TEKTIP1: variants seen among roughly 807,000 people sequenced by gnomAD.
TEKTIP1 encodes tektin bundle interacting protein 1, also known as tektin bundle-interacting protein 1.
the TEKTIP1 span, among the ~76,000 whole-genome samples, chr19:3,541,132 G>A: frequency 7.1e-6 from 1 of 141,314 alleles, no homozygotes; most frequent in Non-Finnish European, 1.5e-5. Context: ...TCAGGCCACT[G>A]CACTCCAGCC....
the TEKTIP1 span, chr19:3,542,347 T>C: frequency 1.0e-6 from 1 of 985,460 alleles, no homozygotes; most frequent in Non-Finnish European, 1.2e-6. Flanking sequence ...GGGCTTTCCG[T>C]GCAGGGCAGA....
chr19:3,543,305 A>T, the TEKTIP1 span: 18 of 1,548,976 alleles, frequency 1.2e-5, no homozygotes, highest in Non-Finnish European at 1.6e-5. Flanking sequence ...CTGGAAGTAC[A>T]CGCCCATGGG....
chr19:3,543,766 G>C, the TEKTIP1 span: 8 of 1,490,180 alleles, frequency 5.4e-6, no homozygotes, highest in Non-Finnish European at 5.4e-6. Context: ...GGCGATCCAG[G>C]AGCCCCTTGC....
the TEKTIP1 span, chr19:3,543,715 CA>C: frequency 6.7e-7 from 1 of 1,501,078 alleles, no homozygotes; most frequent in East Asian, 2.5e-5. Context: ...CTTGGGAGGC[CA>C]GGGGGACAAG....
At chr19:3,540,089 C>CTTTTTTTTTTTT in the TEKTIP1 span, 3 of 88,188 alleles carry the variant, frequency 3.4e-5, no homozygotes, top group African/African-American at 1.2e-4. Context: ...CATCTCTTTT[C>CTTTTTTTTTTTT]TTTTTTTTTT....
chr19:3,542,463 A>G, the TEKTIP1 span: 1 of 985,060 alleles, frequency 1.0e-6, no homozygotes, highest in Non-Finnish European at 1.2e-6. Flanking sequence ...AGCATAAAAC[A>G]TCTTTGAGTC....
the TEKTIP1 span, chr19:3,543,491 C>CCCT: frequency 2.0e-6 from 3 of 1,515,686 alleles, 1 homozygote; most frequent in African/African-American, 4.2e-5. Context: ...CCCCCCCCCC[C>CCCT]GCCCTGGGCA....
At chr19:3,542,843 T>G in the TEKTIP1 span, 7 of 1,378,226 alleles carry the variant, frequency 5.1e-6, no homozygotes, top group Non-Finnish European at 6.8e-6. Context: ...CACTTCTTCC[T>G]GGTGCACCTC....
At chr19:3,543,418 G>A in the TEKTIP1 span, 1 of 1,547,086 alleles carries the variant, frequency 6.5e-7, no homozygotes, top group African/African-American at 1.4e-5. Flanking sequence ...CCTTCCGCGA[G>A]GCCTACAACC....
chr19:3,542,922 C>A, the TEKTIP1 span: 2 of 1,449,552 alleles, frequency 1.4e-6, no homozygotes, highest in Non-Finnish European at 1.9e-6. Context: ...CTGTAGGAAT[C>A]CAGGAGTAGC....
the TEKTIP1 span, chr19:3,542,114 T>C: frequency 3.0e-6 from 3 of 985,354 alleles, no homozygotes; most frequent in Non-Finnish European, 3.6e-6. Context: ...CCAGACAATT[T>C]TGTGCTGTTT....
the TEKTIP1 span, chr19:3,543,941 G>T: frequency 1.0e-5 from 16 of 1,551,024 alleles, no homozygotes; most frequent in Non-Finnish European, 1.1e-5. Flanking sequence ...ACCGGGAGTG[G>T]GTCCTGGAAC....
At chr19:3,542,748 G>A in the TEKTIP1 span, 4 of 1,343,696 alleles carry the variant, frequency 3.0e-6, no homozygotes, top group Non-Finnish European at 4.0e-6. Context: ...CTCCCAAAGT[G>A]CTGGGTTTAC....
the TEKTIP1 span, among the ~76,000 whole-genome samples, chr19:3,540,986 T>C: frequency 2.0e-5 from 3 of 148,222 alleles, no homozygotes; most frequent in Non-Finnish European, 4.5e-5. Flanking sequence ...CTGGCCAAGG[T>C]AGTGAAACCC....
the TEKTIP1 span, chr19:3,542,807 G>C: frequency 1.5e-6 from 2 of 1,371,948 alleles, no homozygotes; most frequent in East Asian, 9.0e-5. Flanking sequence ...TCTTCCCTGG[G>C]CCATGGCTTA....
chr19:3,543,138 C>T, the TEKTIP1 span: 5 of 1,511,856 alleles, frequency 3.3e-6, no homozygotes, highest in Non-Finnish European at 4.4e-6. Context: ...ACGCCGTGGG[C>T]CAGGCCTCTA....
chr19:3,539,347 T>C, the TEKTIP1 span: 1 of 629,114 alleles, frequency 1.6e-6, no homozygotes, highest in Non-Finnish European at 2.6e-6. Context: ...TGGTTTGGGG[T>C]CTTGCACGTG....
At chr19:3,541,285 G>A in the TEKTIP1 span, among the ~76,000 whole-genome samples, 4 of 151,652 alleles carry the variant, frequency 2.6e-5, no homozygotes, top group Admixed American at 6.6e-5. Context: ...GCAGTGAGCC[G>A]AAATCGTGCC....
chr19:3,542,269 C>T, the TEKTIP1 span: 2 of 985,282 alleles, frequency 2.0e-6, no homozygotes, highest in Non-Finnish European at 1.2e-6. Flanking sequence ...AGGCTACTCC[C>T]ATGTTCTGTG....
Sources: gnomAD v4.1 joint callset for allele counts (sites outside exome capture counted in the v4.1 genomes callset) on GRCh38, gnomAD v4.1.1 for gene constraint, MANE v1.5 for transcripts, NCBI Gene and HGNC (gene_info 2026-07-23, HGNC 2026-07-21) for gene names.